The following CTTNBP2 variants were observed in gnomAD, a reference collection of about 807,000 sequenced individuals.
CTTNBP2 encodes the protein cortactin-binding protein 2.
CTTNBP2 carries 108 observed loss-of-function variants against 156.9 expected under a neutral mutation model. That is an observed-to-expected ratio of 0.69 (90% CI 0.59 to 0.81). CTTNBP2 has a LOEUF of 0.81. Ranked by LOEUF, CTTNBP2 falls within the 30% of genes least tolerant of loss-of-function variation. The pLI is 0.00. For synonymous variants in CTTNBP2, 767 were observed against 751.8 expected (o/e 1.02, Z -0.33); for missense variants, 1,924 against 2,035.4 (o/e 0.95, Z 1.05).
In CTTNBP2 at chr7:117,784,241, C is replaced by A; in HGVS notation, c.2272+10G>T. 6.3e-7 allele frequency: 1 copy of A among 1,585,962 alleles called. No homozygotes were observed. The highest frequency in any genetic ancestry group is 8.6e-7 in the Non-Finnish European group (1 of 1,167,864). On this transcript the variant is annotated intron_variant, in intron 5 of 22. Coordinates refer to ENST00000160373, the MANE Select transcript of CTTNBP2 (RefSeq NM_033427.3). ...TGCAAGTGTGTGGTATAAGATCTCG[C>A]CATATTTACCTGTATGTCCATTCTT...
chr7:117,799,475 C>A (rs1481672682), intron 3 of CTTNBP2, among the ~76,000 whole-genome samples: 1 of 150,260 alleles, frequency 6.7e-6, no homozygotes. Context: ...AAAAAAAAAA[C>A]CTTCCAACAA....
intron 3 of CTTNBP2, among the ~76,000 whole-genome samples, chr7:117,798,890 G>C (rs1456094436): frequency 6.6e-6 from 1 of 151,864 alleles, no homozygotes; most frequent in African/African-American, 2.4e-5. Context: ...TATCACTACA[G>C]ATTAAAGAAA....
rs779945927 is a variant in CTTNBP2, at chr7:117,792,378, C to A, written c.818G>T (p.Ser273Ile). ...AAGAGAGAGGCTTGGTTTGCTGTCA[C>A]TTCCCCTTTTCAGTTGCTCAATCAT... Reference protein sequence around the residue: ...RKMIEQLKRGSDSKPSLSLPR... With the variant: ...RKMIEQLKRGIDSKPSLSLPR... Residue 273 changes from serine to isoleucine, a missense_variant, in exon 4 of 23, where the codon AGT becomes ATT. Coordinates refer to ENST00000160373, the MANE Select transcript of CTTNBP2 (RefSeq NM_033427.3). The surrounding 1 kb of genome is among the most constrained non-coding windows in gnomAD (Gnocchi z 4.2). 4 of 1,614,186 alleles carry A rather than the reference C, an allele frequency of 2.5e-6. No homozygotes were observed. Among genetic ancestry groups the A allele is most frequent in the Non-Finnish European group, 3.4e-6 (4 of 1,180,042 alleles).
At chr7:117,748,221 T>C (rs938068360) in intron 12 of CTTNBP2, among the ~76,000 whole-genome samples, 1 of 152,178 alleles carries the variant, frequency 6.6e-6, no homozygotes, top group Non-Finnish European at 1.5e-5. Flanking sequence ...CGTTTTCATT[T>C]ATACTTATGA....
chr7:117,729,394 C>G (rs1287974211), intron 16 of CTTNBP2, among the ~76,000 whole-genome samples: 1 of 152,174 alleles, frequency 6.6e-6, no homozygotes. Context: ...AATAAATAGA[C>G]TTTCTAGTAA....
intron 12 of CTTNBP2, among the ~76,000 whole-genome samples, chr7:117,752,506 ATGTACT>A (rs1796664805): frequency 6.6e-6 from 1 of 152,226 alleles, no homozygotes; most frequent in Admixed American, 6.5e-5. Context: ...GAGATTTAAA[ATGTACT>A]TGTATTATTT....
At chr7:117,872,804 C>T (rs1439761631) in intron 1 of CTTNBP2, among the ~76,000 whole-genome samples, 1 of 152,168 alleles carries the variant, frequency 6.6e-6, no homozygotes, top group Non-Finnish European at 1.5e-5. Context: ...TCCCAGTGGG[C>T]CTCCCGAAGG....
chr7:117,798,905 A>G (rs1799464809), intron 3 of CTTNBP2, among the ~76,000 whole-genome samples: 1 of 151,998 alleles, frequency 6.6e-6, no homozygotes, highest in Non-Finnish European at 1.5e-5. Flanking sequence ...AAGAAATATT[A>G]AAAGGATAAC....
intron 7 of CTTNBP2, among the ~76,000 whole-genome samples, chr7:117,778,915 T>C (rs941280194): frequency 2.0e-5 from 3 of 152,210 alleles, no homozygotes; most frequent in African/African-American, 7.2e-5. Flanking sequence ...TAAGCTACAG[T>C]ACACTTTAAA....
In CTTNBP2 at chr7:117,714,930, C is replaced by T. The variant is rs146401042; in HGVS notation, c.4746+3088G>A. Among the ~76,000 whole-genome samples, 14 of 152,236 alleles carry T rather than the reference C, an allele frequency of 9.2e-5. No homozygotes were observed. In the East Asian group the frequency reaches 1.5e-3, roughly 17 times the overall value. On this transcript the variant is annotated intron_variant, in intron 22 of 22. Transcript: ENST00000160373. ...TTAATGCTTCCTGGGCTAAAACCCC[C>T]GAATTATCTGTATTAAATGTATAAC...
chr7:117,840,712 A>G (rs1802219740), intron 2 of CTTNBP2, among the ~76,000 whole-genome samples: 1 of 152,220 alleles, frequency 6.6e-6, no homozygotes, highest in African/African-American at 2.4e-5. Context: ...CCTGCAGGCA[A>G]TTATTTCCAG....
intron 14 of CTTNBP2, among the ~76,000 whole-genome samples, chr7:117,736,692 G>A (rs1220129865): frequency 6.6e-6 from 1 of 151,980 alleles, no homozygotes; most frequent in African/African-American, 2.4e-5. Context: ...ATGAATAAGG[G>A]CACAAAACAT....
chr7:117,868,450 A>G (rs1162737106), intron 1 of CTTNBP2, among the ~76,000 whole-genome samples: 1 of 152,162 alleles, frequency 6.6e-6, no homozygotes, highest in Non-Finnish European at 1.5e-5. Context: ...ACTGATCCCC[A>G]ATGTATTAGT....
intron 2 of CTTNBP2, 76 bp from the exon 3 acceptor site, chr7:117,811,065 G>A (rs1800246508): frequency 1.7e-6 from 2 of 1,151,954 alleles, no homozygotes; most frequent in Non-Finnish European, 2.5e-6. Flanking sequence ...AAGGTTTTGT[G>A]ATTATACTTC....
At chr7:117,839,111 C>G (rs1802126943) in intron 2 of CTTNBP2, among the ~76,000 whole-genome samples, 1 of 152,024 alleles carries the variant, frequency 6.6e-6, no homozygotes, top group African/African-American at 2.4e-5. Context: ...ACCACCCTAC[C>G]TAAAGTGGGA....
chr7:117,775,318 T>C (rs1402257729), intron 8 of CTTNBP2, among the ~76,000 whole-genome samples: 1 of 152,088 alleles, frequency 6.6e-6, no homozygotes, highest in African/African-American at 2.4e-5. Flanking sequence ...TCATAGTCTA[T>C]GGGAGAAAGA....
chr7:117,728,316 G>A (rs1260777966), intron 16 of CTTNBP2, 49 bp from the exon 17 acceptor site: 1 of 1,350,126 alleles, frequency 7.4e-7, no homozygotes, highest in Non-Finnish European at 1.0e-6. Context: ...AGAACATTTT[G>A]TTTTTAGAAG....
chr7:117,869,082 C>T (rs1252308579), intron 1 of CTTNBP2, among the ~76,000 whole-genome samples: 1 of 152,134 alleles, frequency 6.6e-6, no homozygotes, highest in Non-Finnish European at 1.5e-5. Context: ...CAGCCTCAAT[C>T]ATCATTTTGA....
intron 16 of CTTNBP2, among the ~76,000 whole-genome samples, chr7:117,733,560 T>C (rs1459895509): frequency 6.6e-6 from 1 of 152,234 alleles, no homozygotes; most frequent in East Asian, 1.9e-4. Flanking sequence ...TACAGACCTA[T>C]GACTGTCTTT....
Sources: gnomAD v4.1 joint callset for allele counts (sites outside exome capture counted in the v4.1 genomes callset) on GRCh38, gnomAD v4.1.1 for gene constraint, Gnocchi (gnomAD v3.1) non-coding constraint, MANE v1.5 for transcripts, NCBI Gene and HGNC (gene_info 2026-07-23, HGNC 2026-07-21) for gene names.